Variants in AGAP1 observed in about 807,000 individuals in gnomAD.
The protein encoded by AGAP1 is arf-GAP with GTPase, ANK repeat and PH domain-containing protein 1.
AGAP1 carries 29 observed loss-of-function variants against 105.3 expected under a neutral mutation model. That is an observed-to-expected ratio of 0.28 (90% CI 0.21 to 0.38). AGAP1 has a LOEUF of 0.38. Ranked by LOEUF, AGAP1 falls within the 10% of genes least tolerant of loss-of-function variation. AGAP1 has a pLI of 1.00. For missense variants in AGAP1, 998 were observed against 1,165.1 expected, an observed-to-expected ratio of 0.86 and a Z score of 2.09; for synonymous variants, 509 against 485.9, an observed-to-expected ratio of 1.05 and a Z score of -0.63.
In AGAP1 at chr2:235,734,028, A is replaced by C. The variant is rs1292081888; in HGVS notation, c.311-6935A>C. Among the ~76,000 whole-genome samples, 2 of 152,234 alleles carry C rather than the reference A, an allele frequency of 1.3e-5. No homozygotes were observed. Among genetic ancestry groups the C allele is most frequent in the Non-Finnish European group, 2.9e-5 (2 of 68,050 alleles). ...TGACTTCAGTATTTTTATCAAAGTT[A>C]AATGAGCCAAACTTATTTTTTACAA... On this transcript the variant is annotated intron_variant, in intron 3 of 17. Coordinates refer to ENST00000304032, the MANE Select transcript of AGAP1 (RefSeq NM_001037131.3). This position sits in a 1 kb window ranked among gnomAD's most constrained non-coding sequence, Gnocchi z 5.3.
intron 6 of AGAP1, among the ~76,000 whole-genome samples, chr2:235,756,286 A>G (rs1953917966): frequency 6.6e-6 from 1 of 152,164 alleles, no homozygotes; most frequent in African/African-American, 2.4e-5. Flanking sequence ...TCGGGGAGAC[A>G]GGATCAGGGT....
intron 3 of AGAP1, 21 bp downstream of exon 3, chr2:235,717,665 T>C (rs200313820): frequency 6.3e-7 from 1 of 1,587,016 alleles, no homozygotes; most frequent in East Asian, 2.3e-5. Flanking sequence ...TGGCAGGCAG[T>C]TGCAAACTTA....
Position 235,633,450 on chromosome 2 carries a change from C to T in AGAP1, c.164-75729C>T, listed in dbSNP as rs1946892383. 6.6e-6 allele frequency among the ~76,000 whole-genome samples: 1 copy of T among 152,078 alleles called. No individual in the cohort carries two copies. Among genetic ancestry groups the T allele is most frequent in the Admixed American group, 6.6e-5 (1 of 15,260 alleles). ...CTCTACTAAAAATACAAAAATTAGC[C>T]AGGCATGGTGGCGGGCTCCTGTAAT... On this transcript the variant is annotated intron_variant, in intron 1 of 17. Transcript: ENST00000304032. This position sits in a 1 kb window ranked among gnomAD's most constrained non-coding sequence, Gnocchi z 4.8.
intron 11 of AGAP1, among the ~76,000 whole-genome samples, chr2:235,914,834 G>A (rs2051794139): frequency 6.6e-6 from 1 of 152,214 alleles, no homozygotes; most frequent in Non-Finnish European, 1.5e-5. Flanking sequence ...AGCAAGGAGA[G>A]CTGGCCAGTG....
chr2:235,921,317 G>A (rs2052172227), intron 11 of AGAP1, among the ~76,000 whole-genome samples: 1 of 152,154 alleles, frequency 6.6e-6, no homozygotes, highest in African/African-American at 2.4e-5. Context: ...TTAAAGAAGT[G>A]TATAAAGTTA....
chr2:236,047,713 C>A, intron 15 of AGAP1, among the ~76,000 whole-genome samples: 1 of 149,616 alleles, frequency 6.7e-6, no homozygotes, highest in Non-Finnish European at 1.5e-5. Context: ...GATTCTCCAG[C>A]CTCAGCCTCT....
At chr2:235,869,886 A>G (rs966810628) in intron 9 of AGAP1, among the ~76,000 whole-genome samples, 2 of 152,178 alleles carry the variant, frequency 1.3e-5, no homozygotes, top group African/African-American at 4.8e-5. Context: ...CCCCAGTAGG[A>G]TAGTCTGACC....
At chr2:235,649,900 G>GT (rs1947524993) in intron 1 of AGAP1, among the ~76,000 whole-genome samples, 1 of 152,186 alleles carries the variant, frequency 6.6e-6, no homozygotes, top group African/African-American at 2.4e-5. Flanking sequence ...TTACTGTGGA[G>GT]TGCCTTTTAT....
At chr2:235,671,047 C>T in intron 1 of AGAP1, 3 of 1,286,206 alleles carry the variant, frequency 2.3e-6, no homozygotes, top group Non-Finnish European at 2.9e-6. Context: ...TCGACGGCTC[C>T]CCGCGCAGAG....
Position 236,129,575 on chromosome 2 carries a change from A to G in AGAP1, c.*5453A>G, listed in dbSNP as rs2060055476. The G allele has an allele frequency of 6.6e-6, 1 of 152,190 alleles. No homozygotes were observed. Among genetic ancestry groups the G allele is most frequent in the Non-Finnish European group, 1.5e-5 (1 of 68,044 alleles). The allele number at this position is 152,190 out of a possible 1,614,324, so 9.4% of individuals were successfully genotyped here. ...AGTGTCCCGTCTGTGATTAGACAGA[A>G]ACCCCTGTGGCAGACTCCTCCCCTC... is the stretch of plus-strand genomic sequence containing the variant. On this transcript the variant is annotated 3_prime_UTR_variant, in exon 18 of 18. Transcript: ENST00000304032. The surrounding 1 kb of genome is among the most constrained non-coding windows in gnomAD (Gnocchi z 6.2).
chr2:235,744,897 A>T lies in AGAP1; in HGVS notation c.538+58A>T. The T allele has an allele frequency of 6.4e-7, 1 of 1,558,136 alleles. No homozygotes were observed. Among genetic ancestry groups the T allele is most frequent in the Middle Eastern group, 1.7e-4 (1 of 5,828 alleles). ...AGGGTTCTAACAGTTACATATTTTCAGTATGGAGGAGTTTAAAAAATGCTT... is the reference window on the plus strand; with the variant it reads ...AGGGTTCTAACAGTTACATATTTTCTGTATGGAGGAGTTTAAAAAATGCTT... On this transcript the variant is annotated intron_variant, in intron 5 of 17. Transcript: ENST00000304032. This position sits in a 1 kb window ranked among gnomAD's most constrained non-coding sequence, Gnocchi z 5.2.
At chr2:235,670,820 A>T in intron 1 of AGAP1, 1 of 1,416,092 alleles carries the variant, frequency 7.1e-7, no homozygotes, top group Non-Finnish European at 9.3e-7. Flanking sequence ...CACGCTGGAC[A>T]ACAGCGACCT....
intron 1 of AGAP1, among the ~76,000 whole-genome samples, chr2:235,511,868 G>GTA (rs1238205233): frequency 1.9e-4 from 13 of 67,370 alleles, no homozygotes; most frequent in Admixed American, 6.4e-4. Context: ...GTGAATGTGT[G>GTA]TGTGTATGTG....
intron 8 of AGAP1, among the ~76,000 whole-genome samples, chr2:235,802,796 A>G (rs1032778593): frequency 3.5e-4 from 7 of 20,266 alleles, no homozygotes; most frequent in Admixed American, 1.8e-3. Flanking sequence ...GATGGTGATG[A>G]TGGTTGTGGT....
rs562705250 is a variant in AGAP1 at position 235,559,395 on chromosome 2, C to G, written c.163+64546C>G. On this transcript the variant is annotated intron_variant, in intron 1 of 17. Transcript: ENST00000304032. This position sits in a 1 kb window ranked among gnomAD's most constrained non-coding sequence, Gnocchi z 5.7. ...AGCCAGAGGCGTCTGTGATGAGCGC[C>G]TGCAGACGCTGGTGGGTGCTTGCCG... Among the ~76,000 whole-genome samples the G allele has an allele frequency of 6.6e-6, 1 of 152,312 alleles. No individual in the cohort carries two copies. Among genetic ancestry groups the G allele is most frequent in the East Asian group, 1.9e-4 (1 of 5,192 alleles).
intron 12 of AGAP1, among the ~76,000 whole-genome samples, chr2:235,947,026 ATAT>A (rs2053532711): frequency 1.3e-5 from 2 of 152,096 alleles, no homozygotes; most frequent in South Asian, 2.1e-4. Flanking sequence ...TTTAAAAATT[ATAT>A]ATAGATATTT....
At chr2:235,929,156 G>A (rs2052597960) in intron 11 of AGAP1, among the ~76,000 whole-genome samples, 1 of 152,230 alleles carries the variant, frequency 6.6e-6, no homozygotes, top group South Asian at 2.1e-4. Context: ...GAGCCCCTTG[G>A]ATGCCAGTGG....
chr2:235,625,073 A>G lies in AGAP1; in HGVS notation c.164-84106A>G, dbSNP rs916576144. 2.6e-5 allele frequency among the ~76,000 whole-genome samples: 4 copies of G among 152,196 alleles called. No individual in the cohort carries two copies. The highest frequency in any genetic ancestry group is 6.5e-5 in the Admixed American group (1 of 15,276). ...TCTTTTATTAATTACCCAGCCTCAG[A>G]TATTCCTTTAGAGTAATGCAAGAAT... On this transcript the variant is annotated intron_variant, in intron 1 of 17. Coordinates refer to ENST00000304032, the MANE Select transcript of AGAP1 (RefSeq NM_001037131.3). This position sits in a 1 kb window ranked among gnomAD's most constrained non-coding sequence, Gnocchi z 4.0.
rs114719683 is a variant in AGAP1, at chr2:235,848,496, A to G, written c.1051-34849A>G. On this transcript the variant is annotated intron_variant, in intron 9 of 17. Transcript: ENST00000304032. ...AGAGGGAAATAATTATTGTCTCAAC[A>G]AAGATTTGGGTTTAGCAAAAACTGG... is the stretch of plus-strand genomic sequence containing the variant. Among the ~76,000 whole-genome samples, 332 of 152,388 alleles carry G rather than the reference A, an allele frequency of 2.2e-3. 2 individuals are homozygous for G. The highest frequency in any genetic ancestry group is 7.6e-3 in the African/African-American group (318 of 41,598).
Sources: gnomAD v4.1 joint callset for allele counts (sites outside exome capture counted in the v4.1 genomes callset) on GRCh38, gnomAD v4.1.1 for gene constraint, Gnocchi (gnomAD v3.1) non-coding constraint, MANE v1.5 for transcripts, NCBI Gene and HGNC (gene_info 2026-07-23, HGNC 2026-07-21) for gene names.